The following CFAP20DC variants were observed in gnomAD, a reference collection of about 807,000 sequenced individuals.
The protein encoded by CFAP20DC is CFAP20 domain containing, also known as protein CFAP20DC.
Under a neutral mutation model 101.7 loss-of-function variants are expected in CFAP20DC, and 84 were observed. That is an observed-to-expected ratio of 0.83 (90% CI 0.69 to 0.99). The LOEUF (loss-of-function observed/expected upper bound fraction) is 0.99. Ranked by LOEUF, CFAP20DC falls within the 50% of genes least tolerant of loss-of-function variation. The pLI, the probability that CFAP20DC is intolerant of heterozygous loss-of-function variation, is 0.00. For synonymous variants in CFAP20DC, 359 were observed against 351.2 expected, an observed-to-expected ratio of 1.02 and a Z score of -0.25; for missense variants, 1,007 against 970.3, an observed-to-expected ratio of 1.04 and a Z score of -0.50.
chr3:58,931,166 A>T (rs568061228), intron 5 of CFAP20DC, among the ~76,000 whole-genome samples: 4 of 152,220 alleles, frequency 2.6e-5, no homozygotes, highest in South Asian at 4.1e-4. Flanking sequence ...GTCTCACTGA[A>T]TGCTAGCACA....
chr3:58,925,851 C>T (rs922325607), intron 5 of CFAP20DC, among the ~76,000 whole-genome samples: 4 of 152,202 alleles, frequency 2.6e-5, no homozygotes, highest in Admixed American at 2.0e-4. Flanking sequence ...ACATGTTAAT[C>T]TTAACAGCAT....
intron 7 of CFAP20DC, among the ~76,000 whole-genome samples, chr3:58,881,398 A>T (rs2081220023): frequency 6.6e-6 from 1 of 152,160 alleles, no homozygotes. Context: ...CCGGGGTCCC[A>T]TTAATGAAAA....
intron 4 of CFAP20DC, among the ~76,000 whole-genome samples, chr3:59,003,580 C>A (rs2108776760): frequency 6.6e-6 from 1 of 152,192 alleles, no homozygotes; most frequent in East Asian, 1.9e-4. Flanking sequence ...TGGTTATAAG[C>A]CTATATACAA....
chr3:59,039,708 G>A (rs6446005), intron 3 of CFAP20DC, 79 bp from the exon 4 acceptor site: 10 of 809,736 alleles, frequency 1.2e-5, no homozygotes, highest in African/African-American at 1.8e-5. Context: ...CACAAACCAC[G>A]AACAAGCTGA....
chr3:58,845,228 G>C (rs2077519516), intron 13 of CFAP20DC, among the ~76,000 whole-genome samples: 1 of 150,594 alleles, frequency 6.6e-6, no homozygotes, highest in African/African-American at 2.4e-5. Flanking sequence ...CCAGGAGCTG[G>C]TTTTTTGAAA....
At chr3:58,825,286 G>A (rs2075964754) in intron 14 of CFAP20DC, among the ~76,000 whole-genome samples, 1 of 152,122 alleles carries the variant, frequency 6.6e-6, no homozygotes, top group Non-Finnish European at 1.5e-5. Flanking sequence ...TAACCTTGGG[G>A]AAACAGCAGT....
chr3:58,875,242 A>ATT (rs147250675), intron 7 of CFAP20DC, among the ~76,000 whole-genome samples: 35 of 151,642 alleles, frequency 2.3e-4, no homozygotes, highest in African/African-American at 7.5e-4. Flanking sequence ...GTGCATATGT[A>ATT]TTTTTTTTTA....
intron 4 of CFAP20DC, among the ~76,000 whole-genome samples, chr3:59,022,725 G>T (rs2093825592): frequency 5.3e-5 from 8 of 151,982 alleles, no homozygotes; most frequent in Admixed American, 5.2e-4. Flanking sequence ...TTTTAAATAA[G>T]AAATGACATA....
intron 6 of CFAP20DC, among the ~76,000 whole-genome samples, chr3:58,900,781 T>C (rs574155983): frequency 2.7e-4 from 41 of 152,216 alleles, no homozygotes; most frequent in Non-Finnish European, 5.4e-4. Flanking sequence ...ATTATTGGAA[T>C]GTTTGAGTGA....
At chr3:58,959,175 A>T (rs945485158) in intron 4 of CFAP20DC, among the ~76,000 whole-genome samples, 3 of 151,962 alleles carry the variant, frequency 2.0e-5, no homozygotes, top group African/African-American at 4.8e-5. Context: ...GCTCACTGCA[A>T]CCTCCGCCTC....
At position 58,911,872 on chromosome 3, in the gene CFAP20DC, T is replaced by TAGC. The variant is rs540998444; in HGVS notation, c.550+1833_550+1835dup. Among the ~76,000 whole-genome samples the TAGC allele has an allele frequency of 3.9e-3, 587 of 152,206 alleles. 5 individuals carry two copies. The highest frequency in any genetic ancestry group is 0.013 in the African/African-American group (549 of 41,542). ...AGAGCAGGAACCTGGGGTCCTCCTA[T>TAGC]AGCAACCCGTACAGAATTTTGGCCA... On this transcript the variant is annotated intron_variant, in intron 6 of 16. Transcript: ENST00000482387.
rs116840003 is a variant in CFAP20DC at position 58,929,818 on chromosome 3, T to C, written c.393+7830A>G. ...TCTCTTAGCTCATGGCCCTGTCTCTTTCCTGATATACCAGAACTTCTTATT... is the reference window on the plus strand; with the variant it reads ...TCTCTTAGCTCATGGCCCTGTCTCTCTCCTGATATACCAGAACTTCTTATT... On this transcript the variant is annotated intron_variant, in intron 5 of 16. Transcript: ENST00000482387. Among the ~76,000 whole-genome samples the C allele has an allele frequency of 7.4e-3, 1,133 of 152,290 alleles. 19 individuals carry two copies. The highest frequency in any genetic ancestry group is 0.026 in the African/African-American group (1,080 of 41,574).
intron 15 of CFAP20DC, among the ~76,000 whole-genome samples, chr3:58,759,158 T>A (rs1282599562): frequency 1.3e-5 from 2 of 152,024 alleles, no homozygotes; most frequent in African/African-American, 4.8e-5. Context: ...CCACCAACAG[T>A]GTAAAAGTGT....
intron 6 of CFAP20DC, among the ~76,000 whole-genome samples, chr3:58,896,867 C>T (rs6445999): frequency 0.1 from 15,222 of 152,040 alleles, 2,505 homozygotes; most frequent in African/African-American, 0.35. Context: ...TCTGTTGTTT[C>T]TGGGTGGAGA....
At chr3:58,886,539 T>C (rs1487121693) in intron 6 of CFAP20DC, among the ~76,000 whole-genome samples, 2 of 151,454 alleles carry the variant, frequency 1.3e-5, no homozygotes, top group Admixed American at 1.3e-4. Context: ...CTGGGTAACA[T>C]AGCCATACCC....
In CFAP20DC at chr3:58,869,177, T is replaced by C. The variant is rs2079931983; in HGVS notation, c.1015+151A>G. On this transcript the variant is annotated intron_variant, in intron 9 of 16. Coordinates refer to ENST00000482387, the MANE Select transcript of CFAP20DC (RefSeq NM_001394063.1). The surrounding 1 kb of genome is among the most constrained non-coding windows in gnomAD (Gnocchi z 4.3). ...CAGAAGCTAATATAAGAATTTCAAA[T>C]ATATTTCAAAATCAACCACCCTTTT... The C allele has an allele frequency of 1.2e-5, 7 of 565,152 alleles. No individual in the cohort carries two copies. In the Admixed American group the frequency reaches 2.2e-4, roughly 18 times the overall value. The allele number at this position is 565,152 out of a possible 1,614,324, so 35.0% of individuals were successfully genotyped here.
chr3:58,749,643 T>C (rs556579602), intron 16 of CFAP20DC, among the ~76,000 whole-genome samples: 1 of 152,216 alleles, frequency 6.6e-6, no homozygotes, highest in Non-Finnish European at 1.5e-5. Flanking sequence ...CCAAACTCCT[T>C]CTGAATGCCT....
At chr3:58,741,297 T>A (rs10510795), downstream of CFAP20DC, among the ~76,000 whole-genome samples, 8 of 152,058 alleles carry the variant, frequency 5.3e-5, no homozygotes, top group African/African-American at 1.7e-4. Context: ...AGCACATGAC[T>A]TTTTCCTTGT....
At chr3:59,034,894 C>A (rs2094067998) in intron 4 of CFAP20DC, among the ~76,000 whole-genome samples, 3 of 152,164 alleles carry the variant, frequency 2.0e-5, no homozygotes, top group Admixed American at 1.3e-4. Context: ...AATATACATT[C>A]TTCTCAGTAC....
Sources: allele counts gnomAD v4.1 joint callset (sites outside exome capture counted in the v4.1 genomes callset), GRCh38; gene constraint gnomAD v4.1.1; non-coding constraint Gnocchi (gnomAD v3.1); transcripts MANE v1.5; gene names NCBI Gene and HGNC (gene_info 2026-07-23, HGNC 2026-07-21).